Variants in KDF1 observed in about 807,000 individuals in gnomAD.
KDF1 encodes the protein RP11-344H11.3.
KDF1 carries 11 observed loss-of-function variants against 31.6 expected under a neutral mutation model. The ratio of observed to expected loss-of-function variants is 0.35; its 90% confidence interval spans 0.22 to 0.58. KDF1 has a LOEUF of 0.58. Ranked by LOEUF, KDF1 falls within the 20% of genes least tolerant of loss-of-function variation. KDF1 has a pLI of 0.83. For synonymous variants in KDF1, 205 were observed against 214.4 expected, an observed-to-expected ratio of 0.96 and a Z score of 0.38; for missense variants, 476 against 549.1, an observed-to-expected ratio of 0.87 and a Z score of 1.33.
rs1335521334 is a variant in KDF1 at position 26,952,112 on chromosome 1, A to T, written c.269T>A (p.Phe90Tyr). 1 of 1,613,372 alleles carries T rather than the reference A, an allele frequency of 6.2e-7. No homozygotes were observed. The highest frequency in any genetic ancestry group is 1.3e-5 in the African/African-American group (1 of 75,036). ...PWVWEWCRAA[F>Y]CFRRCRDCLQ... is the part of the protein sequence containing the mutation. Reference sequence around the variant, plus strand: ...GCAATCCCGGCAGCGGCGGAAGCAGAAGGCAGCCCGGCACCACTCCCACAC... The same window carrying T: ...GCAATCCCGGCAGCGGCGGAAGCAGTAGGCAGCCCGGCACCACTCCCACAC... Residue 90 changes from phenylalanine (F) to tyrosine (Y), a missense_variant, in exon 2 of 4, where the codon TTC (phenylalanine) becomes TAC (tyrosine). Coordinates refer to ENST00000320567, the MANE Select transcript of KDF1 (RefSeq NM_152365.3). The surrounding 1 kb of genome is among the most constrained non-coding windows in gnomAD (Gnocchi z 4.1).
chr1:26,952,002 A>C lies in KDF1; in HGVS notation c.379T>G (p.Trp127Gly). 1 of 1,612,682 alleles carries C rather than the reference A, an allele frequency of 6.2e-7. No individual in the cohort carries two copies. Among genetic ancestry groups the C allele is most frequent in the Non-Finnish European group, 8.5e-7 (1 of 1,179,220 alleles). Residue 127 changes from tryptophan (W) to glycine (G), a missense_variant, in exon 2 of 4, where the codon TGG becomes GGG. Transcript: ENST00000320567. This position sits in a 1 kb window ranked among gnomAD's most constrained non-coding sequence, Gnocchi z 4.1. ...GGCACTCCATTGTGCTCCTTGGCCC[A>C]GTTGGCTTCAGCAGTCCCCTCAGTG... is the stretch of plus-strand genomic sequence containing the variant. ...DSTEGTAEAN[W>G]AKEHNGVPPS...
At chr1:26,954,437 T>G (rs1176846957) in intron 1 of KDF1, among the ~76,000 whole-genome samples, 1 of 151,882 alleles carries the variant, frequency 6.6e-6, no homozygotes, top group Non-Finnish European at 1.5e-5. Flanking sequence ...TTGGCTAGGC[T>G]GGTCTCAAAC....
chr1:26,950,109 G>T lies in KDF1; in HGVS notation c.1157C>A (p.Thr386Lys), dbSNP rs1450005457. The change falls in exon 4 of 4, where the codon ACA (threonine) becomes AAA (lysine). Residue 386 changes from threonine to lysine, a missense_variant. Around this residue, in one of 2 missense-constraint regions of KDF1, gnomAD observed 146 missense variants for 216.8 expected, o/e 0.67. Transcript: ENST00000320567. This position sits in a 1 kb window ranked among gnomAD's most constrained non-coding sequence, Gnocchi z 4.0. Reference sequence around the variant, plus strand: ...GAGCAAGGGTGCCCCCGACGAGTCTGTGTCGGTGCCCTGGAAGGATGAGTC... The same window carrying T: ...GAGCAAGGGTGCCCCCGACGAGTCTTTGTCGGTGCCCTGGAAGGATGAGTC... ...SHDSSFQGTDTDSSGAPLLQV... is the reference protein window; with the variant it reads ...SHDSSFQGTDKDSSGAPLLQV... The T allele has an allele frequency of 6.2e-7, 1 of 1,613,998 alleles. No individual in the cohort carries two copies. Among genetic ancestry groups the T allele is most frequent in the South Asian group, 1.1e-5 (1 of 91,084 alleles).
At position 26,949,967 on chromosome 1, in the gene KDF1, G is replaced by T; in HGVS notation, c.*102C>A. 2 of 1,225,650 alleles carry T rather than the reference G, an allele frequency of 1.6e-6. No individual in the cohort carries two copies. Among genetic ancestry groups the T allele is most frequent in the Non-Finnish European group, 2.3e-6 (2 of 856,362 alleles). The allele number at this position is 1,225,650 out of a possible 1,614,324, so 75.9% of individuals were successfully genotyped here. On this transcript the variant is annotated 3_prime_UTR_variant, in exon 4 of 4. Coordinates refer to ENST00000320567, the MANE Select transcript of KDF1 (RefSeq NM_152365.3). ...GGCAGGAGGAGCCAGAGTGGGCACT[G>T]CTTCAGGTCTAAGCCTCTCCCACAG... is the stretch of plus-strand genomic sequence containing the variant.
chr1:26,952,594 CT>C lies in KDF1; in HGVS notation c.-32-183del, dbSNP rs902088112. ...CAAGTATGCCCAAAAACCCTTATCT[CT>C]TGTGGCCCTCCCTCCACAAAGAGAA... On this transcript the variant is annotated intron_variant, in intron 1 of 3. Transcript: ENST00000320567. The surrounding 1 kb of genome is among the most constrained non-coding windows in gnomAD (Gnocchi z 4.1). Among the ~76,000 whole-genome samples, 8 of 151,136 alleles carry C rather than the reference CT, an allele frequency of 5.3e-5. No individual in the cohort carries two copies. Among genetic ancestry groups the C allele is most frequent in the African/African-American group, 2.0e-4 (8 of 40,548 alleles).
Position 26,952,859 on chromosome 1 carries a change from C to T in KDF1, c.-32-447G>A, listed in dbSNP as rs2082359301. ...ATTAGCCAGGTATAGTGGTGGGTGC[C>T]TGTAATCCCAGCTACTTGGGAGGCT... is the stretch of plus-strand genomic sequence containing the variant. On this transcript the variant is annotated intron_variant, in intron 1 of 3. Transcript: ENST00000320567. The surrounding 1 kb of genome is among the most constrained non-coding windows in gnomAD (Gnocchi z 4.1). Among the ~76,000 whole-genome samples the T allele has an allele frequency of 6.6e-6, 1 of 152,010 alleles. No homozygotes were observed. The highest frequency in any genetic ancestry group is 2.1e-4 in the South Asian group (1 of 4,824).
intron 1 of KDF1, among the ~76,000 whole-genome samples, chr1:26,953,366 A>G (rs2082361489): frequency 6.6e-6 from 1 of 152,218 alleles, no homozygotes; most frequent in Non-Finnish European, 1.5e-5. Flanking sequence ...TGGTTCCTCC[A>G]AAAATTAAAC....
Position 26,950,049 on chromosome 1 carries a change from G to A in KDF1, c.*20C>T. On this transcript the variant is annotated 3_prime_UTR_variant, in exon 4 of 4. Transcript: ENST00000320567. The surrounding 1 kb of genome is among the most constrained non-coding windows in gnomAD (Gnocchi z 4.0). The stretch of plus-strand genomic sequence containing the variant: ...CCATGCTTCTCCCAGAAAGGGTGTG[G>A]CAGCTGGGCCTGGCAGGGGTTAGCA... 2 of 1,605,158 alleles carry A rather than the reference G, an allele frequency of 1.2e-6. No individual in the cohort carries two copies. The highest frequency in any genetic ancestry group is 1.7e-6 in the Non-Finnish European group (2 of 1,172,062).
rs375203089 is a variant in KDF1 at position 26,952,344 on chromosome 1, G to C, written c.37C>G (p.Pro13Ala). 8 of 1,517,938 alleles carry C rather than the reference G, an allele frequency of 5.3e-6. No individual in the cohort carries two copies. The highest frequency in any genetic ancestry group is 7.1e-6 in the Non-Finnish European group (8 of 1,134,482). The allele number at this position is 1,517,938 out of a possible 1,614,324, so 94.0% of individuals were successfully genotyped here. ...RPGHPRPASGPPRLGPWERPT... is the reference protein window; with the variant it reads ...RPGHPRPASGAPRLGPWERPT... Reference sequence around the variant, plus strand: ...CGCTCCCACGGTCCCAAGCGTGGAGGCCCAGATGCTGGGCGGGGGTGTCCA... The same window carrying C: ...CGCTCCCACGGTCCCAAGCGTGGAGCCCCAGATGCTGGGCGGGGGTGTCCA... The change falls in exon 2 of 4, where the codon CCT (proline) becomes GCT (alanine). Residue 13 changes from proline to alanine, a missense_variant. Physicochemically the swap from Pro to Ala is conservative, Grantham distance 27 (BLOSUM62 -1). Around this residue, in one of 2 missense-constraint regions of KDF1, gnomAD observed 330 missense variants for 332.3 expected, o/e 0.99. Transcript: ENST00000320567. This position sits in a 1 kb window ranked among gnomAD's most constrained non-coding sequence, Gnocchi z 4.1.
rs986334276 is a variant in KDF1 at position 26,953,880 on chromosome 1, T to C, written c.-32-1468A>G. ...TGAGGTGGGAGGACCACTTGAGCCT[T>C]GGAGGTGGAGGTTGCAGTGAGCTGA... On this transcript the variant is annotated intron_variant, in intron 1 of 3. Coordinates refer to ENST00000320567, the MANE Select transcript of KDF1 (RefSeq NM_152365.3). 2.7e-5 allele frequency among the ~76,000 whole-genome samples: 4 copies of C among 150,654 alleles called. No individual in the cohort carries two copies. The Middle Eastern group carries it at 0.01, about 387-fold the overall frequency.
rs2082343728 is a variant in KDF1, at chr1:26,950,661, C to A, written c.1114+21G>T. 4.3e-6 allele frequency: 7 copies of A among 1,610,386 alleles called. No individual in the cohort carries two copies. The highest frequency in any genetic ancestry group is 5.9e-6 in the Non-Finnish European group (7 of 1,176,852). On this transcript the variant is annotated intron_variant, in intron 3 of 3. Transcript: ENST00000320567. This position sits in a 1 kb window ranked among gnomAD's most constrained non-coding sequence, Gnocchi z 4.0. ...GGGTAGTCCCCCACCCTCCACACCCCTCATTAGGTCAAGACCACACCTGGA... is the reference window on the plus strand; with the variant it reads ...GGGTAGTCCCCCACCCTCCACACCCATCATTAGGTCAAGACCACACCTGGA...
rs1377871069 is a variant in KDF1 at position 26,952,347 on chromosome 1, C to T, written c.34G>A (p.Gly12Arg). 2 of 1,516,992 alleles carry T rather than the reference C, an allele frequency of 1.3e-6. No homozygotes were observed. Among genetic ancestry groups the T allele is most frequent in the South Asian group, 1.3e-5 (1 of 76,008 alleles). 94.0% of individuals were successfully genotyped at this position (1,516,992 alleles called of 1,614,324 possible). A position where few individuals can be genotyped will look rare whatever the true frequency, so the allele number is the denominator to read the frequency against. The change falls in exon 2 of 4, where the codon GGG (glycine) becomes AGG (arginine). Residue 12 changes from glycine to arginine, a missense_variant. Around this residue, in one of 2 missense-constraint regions of KDF1, gnomAD observed 330 missense variants for 332.3 expected, o/e 0.99. Coordinates refer to ENST00000320567, the MANE Select transcript of KDF1 (RefSeq NM_152365.3). This position sits in a 1 kb window ranked among gnomAD's most constrained non-coding sequence, Gnocchi z 4.1. ...TCCCACGGTCCCAAGCGTGGAGGCC[C>T]AGATGCTGGGCGGGGGTGTCCAGGG... ...PRPGHPRPAS[G>R]PPRLGPWERP...
In KDF1 at chr1:26,952,522, T is replaced by C; in HGVS notation, c.-32-110A>G. ...GTTTCTGAGAGGCCTGGGATGTGGA[T>C]GGACCCAAGTATGCCCAAAAACCCT... On this transcript the variant is annotated intron_variant, in intron 1 of 3. Transcript: ENST00000320567. The surrounding 1 kb of genome is among the most constrained non-coding windows in gnomAD (Gnocchi z 4.1). 1.2e-6 allele frequency: 1 copy of C among 811,890 alleles called. No homozygotes were observed. Among genetic ancestry groups the C allele is most frequent in the Non-Finnish European group, 1.8e-6 (1 of 552,852 alleles). The allele number at this position is 811,890 out of a possible 1,614,324, so 50.3% of individuals were successfully genotyped here.
Position 26,950,250 on chromosome 1 carries a change from G to A in KDF1, c.1115-99C>T. The A allele has an allele frequency of 8.8e-7, 1 of 1,140,524 alleles. No individual in the cohort carries two copies. The highest frequency in any genetic ancestry group is 1.3e-6 in the Non-Finnish European group (1 of 759,006). 70.7% of individuals were successfully genotyped at this position (1,140,524 alleles called of 1,614,324 possible). On this transcript the variant is annotated intron_variant, in intron 3 of 3. Coordinates refer to ENST00000320567, the MANE Select transcript of KDF1 (RefSeq NM_152365.3). This position sits in a 1 kb window ranked among gnomAD's most constrained non-coding sequence, Gnocchi z 4.0. ...AGCCTGCTGAGAAGGAGCAGAGTGG[G>A]ACTTGAGCCTGGGTCAGTCTGATCC...
chr1:26,950,878 A>C lies in KDF1; in HGVS notation c.1040-122T>G. 1.2e-6 allele frequency: 1 copy of C among 821,458 alleles called. No individual in the cohort carries two copies. The highest frequency in any genetic ancestry group is 2.0e-6 in the Non-Finnish European group (1 of 498,828). The allele number at this position is 821,458 out of a possible 1,614,324, so 50.9% of individuals were successfully genotyped here. A position where few individuals can be genotyped will look rare whatever the true frequency, so the allele number is the denominator to read the frequency against. On this transcript the variant is annotated intron_variant, in intron 2 of 3. Transcript: ENST00000320567. The surrounding 1 kb of genome is among the most constrained non-coding windows in gnomAD (Gnocchi z 4.0). ...ACTCCTGGGCAGGGCTAGAAAAATAATGCTTAAAGACAGAGACATAGACAA... is the reference window on the plus strand; with the variant it reads ...ACTCCTGGGCAGGGCTAGAAAAATACTGCTTAAAGACAGAGACATAGACAA...
chr1:26,949,802 A>C lies in KDF1; in HGVS notation c.*267T>G. On this transcript the variant is annotated 3_prime_UTR_variant, in exon 4 of 4. Coordinates refer to ENST00000320567, the MANE Select transcript of KDF1 (RefSeq NM_152365.3). ...CCCAGAAGGTAATGCCTAACTCCTT[A>C]CTTTCCATGATCAGGCCACCTGAAG... 1 of 422,944 alleles carries C rather than the reference A, an allele frequency of 2.4e-6. No homozygotes were observed. The highest frequency in any genetic ancestry group is 4.4e-6 in the Non-Finnish European group (1 of 227,090). The allele number at this position is 422,944 out of a possible 1,614,324, so 26.2% of individuals were successfully genotyped here.
In KDF1 at chr1:26,960,413, G is replaced by C. The variant is rs2082395902; in HGVS notation, c.-96C>G. On this transcript the variant is annotated 5_prime_UTR_variant, in exon 1 of 4. Transcript: ENST00000320567. The surrounding 1 kb of genome is among the most constrained non-coding windows in gnomAD (Gnocchi z 4.9). Reference sequence around the variant, plus strand: ...CCCCGCCCCCTCGCCGCTCACCTGGGGCGCAGGTGAGCGTCTCGCGGGAGC... The same window carrying C: ...CCCCGCCCCCTCGCCGCTCACCTGGCGCGCAGGTGAGCGTCTCGCGGGAGC... 1 of 152,298 alleles carries C rather than the reference G, an allele frequency of 6.6e-6. No homozygotes were observed. 9.4% of individuals were successfully genotyped at this position (152,298 alleles called of 1,614,324 possible).
Position 26,951,276 on chromosome 1 carries a change from T to G in KDF1, c.1039+66A>C. 1 of 1,420,664 alleles carries G rather than the reference T, an allele frequency of 7.0e-7. No homozygotes were observed. 88.0% of individuals were successfully genotyped at this position (1,420,664 alleles called of 1,614,324 possible). ...AGACCCACAGTGACTAAAGACCCCA[T>G]TCCAACCCTCCCCTGGCCAGAGCCT... is the stretch of plus-strand genomic sequence containing the variant. On this transcript the variant is annotated intron_variant, in intron 2 of 3. Coordinates refer to ENST00000320567, the MANE Select transcript of KDF1 (RefSeq NM_152365.3). The surrounding 1 kb of genome is among the most constrained non-coding windows in gnomAD (Gnocchi z 5.4).
At chr1:26,954,520 G>A (rs897940605) in intron 1 of KDF1, among the ~76,000 whole-genome samples, 29 of 151,550 alleles carry the variant, frequency 1.9e-4, no homozygotes, top group Non-Finnish European at 2.5e-4. Flanking sequence ...CACTGCGCCT[G>A]GCCAAATGTG....
Sources: gnomAD v4.1 joint callset for allele counts (sites outside exome capture counted in the v4.1 genomes callset) on GRCh38, gnomAD v4.1.1 for gene constraint, gnomAD v4.1.1 regional missense constraint, Gnocchi (gnomAD v3.1) non-coding constraint, MANE v1.5 for transcripts, NCBI Gene and HGNC (gene_info 2026-07-23, HGNC 2026-07-21) for gene names.